The following POLR2F variants were observed in gnomAD, a reference collection of about 807,000 sequenced individuals.
POLR2F encodes DNA-directed RNA polymerases I, II, and III subunit RPABC2.
A neutral mutation model predicts 22.7 loss-of-function variants in POLR2F; 12 were observed. The observed-to-expected ratio is 0.53, with a 90% CI of 0.34 to 0.86. The LOEUF (loss-of-function observed/expected upper bound fraction) is 0.86, where lower values mean the gene tolerates loss of function less well. POLR2F is among the 40% of genes least tolerant of loss of function. The probability of loss-of-function intolerance (pLI) is 0.02; values close to 1 mark genes in which losing one functional copy is unlikely to be tolerated. For missense variants in POLR2F, 126 were observed against 171.5 expected (o/e 0.73, Z 1.48); for synonymous variants, 57 against 66.0 (o/e 0.86, Z 0.66).
Position 38,025,965 on chromosome 22 carries a change from T to C in POLR2F, c.219T>C (p.Ser73=), listed in dbSNP as rs368237841. 8.1e-6 allele frequency: 5 copies of C among 616,094 alleles called. No individual in the cohort carries two copies. The African/African-American group carries it at 9.1e-5, about 11-fold the overall frequency. The allele number at this position is 616,094 out of a possible 1,614,324, so 38.2% of individuals were successfully genotyped here. A position where few individuals can be genotyped will look rare whatever the true frequency, so the allele number is the denominator to read the frequency against. The change falls in exon 2 of 3, where the codon AGT becomes AGC. Residue 73 remains serine (S), a synonymous_variant. Transcript: ENST00000333418. ...AAATCAATGACTCTGAATCTAGAAG[T>C]CAACCGGAGAATGTGCTCCTCAGAG...
At chr22:37,967,593 C>G in intron 4 of POLR2F, 32 bp from the exon 5 acceptor site, 1 of 1,611,864 alleles carries the variant, frequency 6.2e-7, no homozygotes, top group South Asian at 1.1e-5. Flanking sequence ...GTCACCAGCC[C>G]TCATGTACTT....
At chr22:37,999,451 A>G (rs930408162) in intron 1 of POLR2F, among the ~76,000 whole-genome samples, 4 of 152,102 alleles carry the variant, frequency 2.6e-5, no homozygotes. Flanking sequence ...GTCTCCTGAC[A>G]TCCGAATGTC....
exon 3 of POLR2F, chr22:38,026,536 C>CGAGA: frequency 1.5e-5 from 5 of 341,900 alleles, no homozygotes; most frequent in Admixed American, 3.9e-5. Flanking sequence ...GGGATGGCCC[C>CGAGA]TCTTTCCCCA....
At chr22:37,988,745 G>C (rs1240319913) in intron 1 of POLR2F, 1 of 154,376 alleles carries the variant, frequency 6.5e-6, no homozygotes, top group Non-Finnish European at 1.5e-5. Flanking sequence ...TGAGGTACAA[G>C]CATAAAGTTC....
intron 1 of POLR2F, among the ~76,000 whole-genome samples, chr22:38,011,082 A>T (rs1214124202): frequency 4.6e-5 from 7 of 151,992 alleles, no homozygotes; most frequent in Non-Finnish European, 1.5e-5. Context: ...ATAGTTTTAT[A>T]TTTAACATTT....
rs2084919934 is a variant in POLR2F, at chr22:38,016,831, AG to A, written c.121-9036del. ...ATGTTGGAATAGAGAGAGAGAGAGA[AG>A]GAAAAAAAAAAAGATACAAGCTGGG... On this transcript the variant is annotated intron_variant, in intron 1 of 2. Coordinates refer to the POLR2F transcript ENST00000333418. This position sits in a 1 kb window ranked among gnomAD's most constrained non-coding sequence, Gnocchi z 4.4. Among the ~76,000 whole-genome samples the A allele has an allele frequency of 6.6e-6, 1 of 151,140 alleles. No homozygotes were observed. The highest frequency in any genetic ancestry group is 6.6e-5 in the Admixed American group (1 of 15,192).
intron 5 of POLR2F, among the ~76,000 whole-genome samples, chr22:38,037,130 G>A (rs1479038558): frequency 6.6e-6 from 1 of 152,136 alleles, no homozygotes; most frequent in Non-Finnish European, 1.5e-5. Flanking sequence ...GCTCCGTGAG[G>A]GTAAGCTGGT....
At chr22:38,028,552 G>GCA (rs2085036535), downstream of POLR2F, among the ~76,000 whole-genome samples, 3 of 151,962 alleles carry the variant, frequency 2.0e-5, no homozygotes, top group African/African-American at 4.8e-5. Flanking sequence ...GTGTGTGCAT[G>GCA]TATGTGTGTG....
At position 37,969,200 on chromosome 22, in the gene POLR2F, G is replaced by T. The variant is rs1006398308; in HGVS notation, c.*1485G>T. The T allele has an allele frequency of 4.1e-6, 4 of 985,312 alleles. No homozygotes were observed. Among genetic ancestry groups the T allele is most frequent in the Non-Finnish European group, 4.8e-6 (4 of 829,842 alleles). 61.0% of individuals were successfully genotyped at this position (985,312 alleles called of 1,614,324 possible). A position where few individuals can be genotyped will look rare whatever the true frequency, so the allele number is the denominator to read the frequency against. ...GTGCAAGGGAAATGGGACAGAAGGG[G>T]TGTTTTTCCTCCTGTCTTCCTCTTC... is the stretch of plus-strand genomic sequence containing the variant. On this transcript the variant is annotated 3_prime_UTR_variant, in exon 5 of 5. Transcript: ENST00000442738.
intron 3 of POLR2F, among the ~76,000 whole-genome samples, chr22:37,960,218 ATTTTC>A (rs1163710689): frequency 6.8e-6 from 1 of 146,928 alleles, no homozygotes; most frequent in Non-Finnish European, 1.5e-5. Flanking sequence ...GGCTCAAGCA[ATTTTC>A]TTTTCTTTTT....
rs1931923414 is a variant in POLR2F, at chr22:37,967,928, C to G, written c.*213C>G. ...CAGCTCCTTAAGAAGCACCAGGGGC[C>G]CTTAGCCCCTTTGGATCCCCCACAT... is the stretch of plus-strand genomic sequence containing the variant. On this transcript the variant is annotated 3_prime_UTR_variant, in exon 5 of 5. Coordinates refer to ENST00000442738, the MANE Select transcript of POLR2F (RefSeq NM_021974.5). 2.4e-6 allele frequency: 3 copies of G among 1,257,108 alleles called. No homozygotes were observed. Among genetic ancestry groups the G allele is most frequent in the Non-Finnish European group, 1.0e-6 (1 of 998,570 alleles). The allele number at this position is 1,257,108 out of a possible 1,614,324, so 77.9% of individuals were successfully genotyped here. A position where few individuals can be genotyped will look rare whatever the true frequency, so the allele number is the denominator to read the frequency against.
chr22:37,983,596 C>T (rs1388105655), upstream of POLR2F: 1 of 1,608,624 alleles, frequency 6.2e-7, no homozygotes, highest in Non-Finnish European at 8.5e-7. This position sits in a 1 kb window ranked among gnomAD's most constrained non-coding sequence, Gnocchi z 9.5. Context: ...TGTCATCGTC[C>T]GCCTCGCCGT....
At chr22:38,007,872 C>T (rs897111573) in intron 1 of POLR2F, among the ~76,000 whole-genome samples, 42 of 152,352 alleles carry the variant, frequency 2.8e-4, no homozygotes, top group Middle Eastern at 3.4e-3. Flanking sequence ...TGAGTATAGA[C>T]GCTGTGGTCT....
chr22:38,026,795 C>G (rs948334474), downstream of POLR2F: 5 of 157,588 alleles, frequency 3.2e-5, no homozygotes, highest in Non-Finnish European at 7.0e-5. Context: ...CCTCCCTCCC[C>G]CCATCCCTGC....
intron 1 of POLR2F, among the ~76,000 whole-genome samples, chr22:37,991,467 G>A (rs1932726657): frequency 6.6e-6 from 1 of 152,192 alleles, no homozygotes; most frequent in Admixed American, 6.5e-5. Context: ...TAAAAGAGAT[G>A]CATTGCCTCT....
chr22:37,967,736 C>T lies in POLR2F; in HGVS notation c.*21C>T. On this transcript the variant is annotated 3_prime_UTR_variant, in exon 5 of 5. Transcript: ENST00000442738. ...ACTGAGCTGGAGTCATCTTCCTGCC[C>T]TTGCCCCATGCCCAATTTTCATTCT... is the stretch of plus-strand genomic sequence containing the variant. 6.3e-7 allele frequency: 1 copy of T among 1,599,194 alleles called. No individual in the cohort carries two copies. Among genetic ancestry groups the T allele is most frequent in the Non-Finnish European group, 8.5e-7 (1 of 1,174,756 alleles).
upstream of POLR2F, among the ~76,000 whole-genome samples, chr22:37,985,614 T>A (rs375793792): frequency 6.6e-5 from 10 of 152,258 alleles, no homozygotes; most frequent in East Asian, 1.4e-3. Flanking sequence ...TTGGCAACCA[T>A]GTGACGTTCT....
chr22:38,033,846 G>A (rs1442597037), intron 5 of POLR2F, among the ~76,000 whole-genome samples: 1 of 152,182 alleles, frequency 6.6e-6, no homozygotes, highest in Non-Finnish European at 1.5e-5. Context: ...TCTGTCCTGT[G>A]CTCGCTGGGA....
chr22:38,039,819 C>A (rs561445826), intron 5 of POLR2F, among the ~76,000 whole-genome samples: 2 of 152,174 alleles, frequency 1.3e-5, no homozygotes, highest in Non-Finnish European at 2.9e-5. Context: ...CCCTGGCGGC[C>A]CTCAAGGAAG....
Sources: gnomAD v4.1 joint callset for allele counts (sites outside exome capture counted in the v4.1 genomes callset) on GRCh38, gnomAD v4.1.1 for gene constraint, Gnocchi (gnomAD v3.1) non-coding constraint, MANE v1.5 for transcripts, NCBI Gene and HGNC (gene_info 2026-07-23, HGNC 2026-07-21) for gene names.